Variants in ADCY9 observed in about 807,000 individuals in gnomAD.
The protein encoded by ADCY9 is adenylate cyclase 9, also known as adenylate cyclase type 9.
In ADCY9, 50 loss-of-function variants were observed where a neutral mutation model predicts 101.5. The ratio of observed to expected loss-of-function variants is 0.49; its 90% confidence interval spans 0.39 to 0.62. ADCY9 has a LOEUF of 0.62. Among genes scored for constraint, ADCY9 ranks in the 20% least tolerant of loss-of-function variants. The probability of loss-of-function intolerance (pLI) is 0.00; values close to 1 mark genes in which losing one functional copy is unlikely to be tolerated. For synonymous variants in ADCY9, 905 were observed against 769.3 expected, an observed-to-expected ratio of 1.18 and a Z score of -2.92; for missense variants, 1,662 against 1,800.4, an observed-to-expected ratio of 0.92 and a Z score of 1.39.
chr16:4,024,407 G>A (rs1477643690), intron 2 of ADCY9, among the ~76,000 whole-genome samples: 2 of 152,066 alleles, frequency 1.3e-5, no homozygotes, highest in South Asian at 2.1e-4. Context: ...TATATCCCTC[G>A]CTCCACTTCT....
intron 2 of ADCY9, among the ~76,000 whole-genome samples, chr16:4,008,635 G>A (rs745534880): frequency 3.3e-5 from 5 of 150,846 alleles, no homozygotes; most frequent in South Asian, 2.1e-4. Flanking sequence ...GCAATGGTGC[G>A]ATCTCAGCTC....
chr16:4,042,963 G>C (rs2056637338), intron 2 of ADCY9, among the ~76,000 whole-genome samples: 2 of 152,218 alleles, frequency 1.3e-5, no homozygotes, highest in African/African-American at 4.8e-5. Context: ...CGGGCGCAGT[G>C]GCTCACGCCT....
At chr16:4,043,217 C>A (rs974372414) in intron 2 of ADCY9, among the ~76,000 whole-genome samples, 1 of 152,236 alleles carries the variant, frequency 6.6e-6, no homozygotes, top group Middle Eastern at 3.4e-3. Flanking sequence ...GGCGACAGAG[C>A]AAGACTCTGT....
chr16:4,081,268 G>A (rs1269207431), intron 2 of ADCY9, among the ~76,000 whole-genome samples: 1 of 152,138 alleles, frequency 6.6e-6, no homozygotes, highest in African/African-American at 2.4e-5. Flanking sequence ...TTAACAGCAG[G>A]GAGAAGGTTG....
At chr16:4,097,487 T>TATATATATACACACAC (rs76750792) in intron 2 of ADCY9, among the ~76,000 whole-genome samples, 767 of 72,162 alleles carry the variant, frequency 0.011, 11 homozygotes, top group Non-Finnish European at 0.013. Flanking sequence ...TATATATATA[T>TATATATATACACACAC]ACACACACAC....
chr16:3,988,615 C>T (rs2056217371), intron 6 of ADCY9, among the ~76,000 whole-genome samples: 1 of 96,660 alleles, frequency 1.0e-5, no homozygotes, highest in African/African-American at 4.3e-5. Flanking sequence ...GGTTCCTTTA[C>T]CAGGGCAGGT....
chr16:4,115,200 C>CTG lies in ADCY9; in HGVS notation c.241_242dup (p.Gln81HisfsTer19), dbSNP rs1413880572. 6.2e-7 allele frequency: 1 copy of CTG among 1,613,554 alleles called. No homozygotes were observed. ...AGCGGCTGGAGGCCCTCTCGAACAG[C>CTG]TGGGGCAGCTTCTTCTGCCTGCGCA... On this transcript the variant is annotated frameshift_variant, in exon 2 of 11. Coordinates refer to ENST00000294016, the MANE Select transcript of ADCY9 (RefSeq NM_001116.4). LOFTEE classifies it high-confidence loss of function. The surrounding 1 kb of genome is among the most constrained non-coding windows in gnomAD (Gnocchi z 6.2).
intron 7 of ADCY9, 112 bp downstream of exon 7, chr16:3,983,120 G>A: frequency 1.2e-5 from 12 of 1,034,872 alleles, no homozygotes; most frequent in Non-Finnish European, 1.5e-5. Flanking sequence ...CCAGAAATCA[G>A]CCAGCAGGGA....
chr16:4,114,259 A>G lies in ADCY9; in HGVS notation c.1184T>C (p.Ile395Thr). The G allele has an allele frequency of 1.2e-6, 2 of 1,613,994 alleles. No individual in the cohort carries two copies. Among genetic ancestry groups the G allele is most frequent in the Non-Finnish European group, 1.7e-6 (2 of 1,180,038 alleles). The change falls in exon 2 of 11, where the codon ATT becomes ACT. Residue 395 changes from isoleucine to threonine, a missense_variant. By Grantham distance (89) the Ile-to-Thr change is moderately conservative (BLOSUM62 -1). This residue lies in a region of ADCY9 where 228 missense variants were observed against 301.1 expected (regional missense o/e 0.76). Transcript: ENST00000294016. The surrounding 1 kb of genome is among the most constrained non-coding windows in gnomAD (Gnocchi z 4.3). ...FKMQQIEEVS[I>T]LFADIVGFTK... is the part of the protein sequence containing the mutation. ...GAAGCCCACGATATCTGCAAATAAA[A>G]TACTGACTTCTTCGATCTGCTGCAT...
chr16:4,001,750 T>C (rs887870729), intron 3 of ADCY9, among the ~76,000 whole-genome samples: 56 of 116,802 alleles, frequency 4.8e-4, no homozygotes, highest in African/African-American at 1.8e-3. Flanking sequence ...TTTTTTTTTT[T>C]TATTGTTTTT....
intron 2 of ADCY9, among the ~76,000 whole-genome samples, chr16:4,025,866 A>C (rs2056511421): frequency 6.6e-6 from 1 of 152,158 alleles, no homozygotes; most frequent in African/African-American, 2.4e-5. Flanking sequence ...GCTACGATTG[A>C]GAGGATGTCA....
At chr16:4,006,695 G>C (rs1307092181) in intron 3 of ADCY9, among the ~76,000 whole-genome samples, 1 of 152,200 alleles carries the variant, frequency 6.6e-6, no homozygotes, top group Non-Finnish European at 1.5e-5. Flanking sequence ...GAAGGTACCA[G>C]TGGGGAAACT....
chr16:3,966,440 C>T lies in ADCY9; in HGVS notation c.3397G>A (p.Glu1133Lys), dbSNP rs2055996175. The T allele has an allele frequency of 1.2e-6, 2 of 1,614,138 alleles. No individual in the cohort carries two copies. Among genetic ancestry groups the T allele is most frequent in the Non-Finnish European group, 1.7e-6 (2 of 1,180,028 alleles). The change falls in exon 11 of 11, where the codon GAG becomes AAG. Residue 1133 changes from glutamate (E) to lysine (K), a missense_variant. By Grantham distance (56) the Glu-to-Lys change is moderately conservative (BLOSUM62 1). Around this residue, in one of 5 missense-constraint regions of ADCY9, gnomAD observed 220 missense variants for 312.9 expected, o/e 0.70. Coordinates refer to ENST00000294016, the MANE Select transcript of ADCY9 (RefSeq NM_001116.4). The part of the protein sequence containing the change: ...AQAQDGSHPQ[E>K]HLQILFEFAK... ...AACTCGAACAGGATCTGCAGGTGCT[C>T]CTGCGGGTGGCTGCCGTCCTGGGCC...
intron 2 of ADCY9, among the ~76,000 whole-genome samples, chr16:4,089,782 T>C (rs1879944818): frequency 6.6e-6 from 1 of 151,864 alleles, no homozygotes; most frequent in Non-Finnish European, 1.5e-5. Context: ...ACTCCAAAAT[T>C]TTCCACCAGT....
chr16:4,073,619 C>T (rs2056848671), intron 2 of ADCY9, among the ~76,000 whole-genome samples: 1 of 152,180 alleles, frequency 6.6e-6, no homozygotes, highest in South Asian at 2.1e-4. Flanking sequence ...TGGTCTTGAA[C>T]TCCTGACTGC....
chr16:4,064,698 C>G (rs150368430), intron 2 of ADCY9, among the ~76,000 whole-genome samples: 1,868 of 152,080 alleles, frequency 0.012, 40 homozygotes, highest in African/African-American at 0.042. Flanking sequence ...AGGCTGGTCT[C>G]AAACTCCTGG....
chr16:4,080,286 C>G (rs1011643134), intron 2 of ADCY9, among the ~76,000 whole-genome samples: 1 of 152,038 alleles, frequency 6.6e-6, no homozygotes, highest in Non-Finnish European at 1.5e-5. Flanking sequence ...CTCTGTTGCC[C>G]AGGCTCTAGT....
intron 6 of ADCY9, chr16:3,983,976 G>A (rs1407576860): frequency 6.5e-6 from 1 of 153,194 alleles, no homozygotes; most frequent in Non-Finnish European, 1.4e-5. Flanking sequence ...TGTAGTCCCA[G>A]GTACTTGGGA....
chr16:4,104,892 A>G (rs1310454077), intron 2 of ADCY9, among the ~76,000 whole-genome samples: 3 of 151,392 alleles, frequency 2.0e-5, no homozygotes, highest in Non-Finnish European at 4.4e-5. Flanking sequence ...ACATGCTGAA[A>G]CCCTGTTTCT....
Sources: allele counts gnomAD v4.1 joint callset (sites outside exome capture counted in the v4.1 genomes callset), GRCh38; gene constraint gnomAD v4.1.1; regional missense constraint gnomAD v4.1.1; non-coding constraint Gnocchi (gnomAD v3.1); transcripts MANE v1.5; gene names NCBI Gene and HGNC (gene_info 2026-07-23, HGNC 2026-07-21).